The following PPP2R5C variants were observed in gnomAD, a reference collection of about 807,000 sequenced individuals.
PPP2R5C encodes the protein serine/threonine-protein phosphatase 2A 56 kDa regulatory subunit gamma isoform.
Under a neutral mutation model 68.9 loss-of-function variants are expected in PPP2R5C, and 7 were observed. That is an observed-to-expected ratio of 0.10 (90% confidence interval 0.06 to 0.19). The LOEUF is 0.19. Ranked by LOEUF, PPP2R5C falls within the 10% of genes least tolerant of loss-of-function variation. The probability of loss-of-function intolerance (pLI) is 1.00; values close to 1 mark genes in which losing one functional copy is unlikely to be tolerated. For synonymous variants in PPP2R5C, 210 were observed against 222.2 expected (o/e 0.95, Z 0.49); for missense variants, 348 against 641.3 (o/e 0.54, Z 4.94).
rs1270078620 is a variant in PPP2R5C at position 101,915,974 on chromosome 14, G to C, written c.1327-1857G>C. On this transcript the variant is annotated intron_variant, in intron 12 of 13. Transcript: ENST00000334743. This position sits in a 1 kb window ranked among gnomAD's most constrained non-coding sequence, Gnocchi z 4.2. ...GGAAGGTGCCCGCGGCAGAGGTAGA[G>C]AAAAGCAGGGACACAGTGGGTGACA... 6.6e-6 allele frequency among the ~76,000 whole-genome samples: 1 copy of C among 152,212 alleles called. No homozygotes were observed. Among genetic ancestry groups the C allele is most frequent in the Non-Finnish European group, 1.5e-5 (1 of 68,046 alleles).
At chr14:101,866,030 G>C (rs1041312887) in intron 2 of PPP2R5C, among the ~76,000 whole-genome samples, 26 of 152,288 alleles carry the variant, frequency 1.7e-4, no homozygotes, top group African/African-American at 6.0e-4. Flanking sequence ...AAGTAGCTGG[G>C]ATTACAGGCA....
chr14:101,914,810 A>G (rs950913600), intron 12 of PPP2R5C, among the ~76,000 whole-genome samples: 14 of 152,280 alleles, frequency 9.2e-5, no homozygotes, highest in African/African-American at 3.4e-4. Context: ...TCTAACATAA[A>G]TGTGTTTCTC....
intron 3 of PPP2R5C, among the ~76,000 whole-genome samples, chr14:101,795,314 A>G (rs970399145): frequency 6.6e-6 from 1 of 152,240 alleles, no homozygotes; most frequent in African/African-American, 2.4e-5. Flanking sequence ...ATGCCTGTCC[A>G]TCATACCTCT....
chr14:101,803,887 C>T (rs2140151966), intron 3 of PPP2R5C, among the ~76,000 whole-genome samples: 1 of 152,176 alleles, frequency 6.6e-6, no homozygotes. Flanking sequence ...TCACATCAGG[C>T]TAAAAAGCTT....
At chr14:101,889,412 A>G (rs904592651) in intron 5 of PPP2R5C, among the ~76,000 whole-genome samples, 6 of 152,124 alleles carry the variant, frequency 3.9e-5, no homozygotes, top group Non-Finnish European at 8.8e-5. Context: ...CCTGTTTCCT[A>G]ACATGTCCCT....
chr14:101,824,039 A>G, intron 1 of PPP2R5C: 1 of 1,289,174 alleles, frequency 7.8e-7, no homozygotes, highest in Non-Finnish European at 1.0e-6. Flanking sequence ...GTTCCGTGGC[A>G]CAGCCCCAGA....
chr14:101,773,381 T>C (rs887899550), intron 2 of PPP2R5C, among the ~76,000 whole-genome samples: 2 of 152,030 alleles, frequency 1.3e-5, no homozygotes, highest in African/African-American at 2.4e-5. Context: ...GGGAGGCTGC[T>C]TCAGGTGGTC....
intron 5 of PPP2R5C, among the ~76,000 whole-genome samples, chr14:101,884,925 A>C (rs2044399106): frequency 6.6e-6 from 1 of 152,224 alleles, no homozygotes; most frequent in African/African-American, 2.4e-5. Context: ...AATAGAGGAA[A>C]CAGTTCCTGT....
At chr14:101,761,832 G>T (rs999233979), upstream of PPP2R5C, 16 of 991,890 alleles carry the variant, frequency 1.6e-5, no homozygotes, top group Non-Finnish European at 1.8e-5. Flanking sequence ...GGGCGGGGGC[G>T]CTGCTGCTGC....
chr14:101,901,966 C>A, intron 9 of PPP2R5C, 77 bp downstream of exon 11: 1 of 1,463,328 alleles, frequency 6.8e-7, no homozygotes, highest in Non-Finnish European at 9.3e-7. Context: ...GCGTAGCTGG[C>A]CATGCTTTGC....
exon 2 of PPP2R5C, chr14:101,856,867 C>T (rs755470728): frequency 7.4e-6 from 12 of 1,613,798 alleles, no homozygotes; most frequent in Non-Finnish European, 1.0e-5. Context: ...AGCCTATTTA[C>T]CCAGAAGTAG....
chr14:101,917,701 C>G lies in PPP2R5C; in HGVS notation c.1327-130C>G. The G allele has an allele frequency of 7.8e-7, 1 of 1,288,312 alleles. No homozygotes were observed. The highest frequency in any genetic ancestry group is 1.4e-5 in the South Asian group (1 of 72,150). The allele number at this position is 1,288,312 out of a possible 1,614,324, so 79.8% of individuals were successfully genotyped here. On this transcript the variant is annotated intron_variant, in intron 12 of 13. Coordinates refer to ENST00000334743, the Ensembl canonical transcript of PPP2R5C. This position sits in a 1 kb window ranked among gnomAD's most constrained non-coding sequence, Gnocchi z 4.4. ...CATGTTGCAGGTGTAGGCGAGTCTCCCACTGAGTGGGCTTCCTGCGGGAGA... is the reference window on the plus strand; with the variant it reads ...CATGTTGCAGGTGTAGGCGAGTCTCGCACTGAGTGGGCTTCCTGCGGGAGA...
At chr14:101,826,969 C>CTTTTTTTTTTTTTTTTT (rs1030539072) in intron 1 of PPP2R5C, among the ~76,000 whole-genome samples, 1 of 95,860 alleles carries the variant, frequency 1.0e-5, no homozygotes, top group African/African-American at 4.3e-5. Context: ...AAATGTTTAA[C>CTTTTTTTTTTTTTTTTT]TTTTTTTTTT....
At chr14:101,763,252 C>T (rs2036651199) in intron 2 of PPP2R5C, among the ~76,000 whole-genome samples, 1 of 152,018 alleles carries the variant, frequency 6.6e-6, no homozygotes, top group Non-Finnish European at 1.5e-5. Context: ...CGGGGTCTCA[C>T]TTTGTCACGC....
At chr14:101,771,340 C>T (rs1163252496) in intron 2 of PPP2R5C, among the ~76,000 whole-genome samples, 5 of 151,308 alleles carry the variant, frequency 3.3e-5, no homozygotes, top group East Asian at 2.0e-4. Flanking sequence ...CCACAACCTC[C>T]GCCTCCTGGG....
chr14:101,764,754 C>T (rs1356321198), intron 2 of PPP2R5C, among the ~76,000 whole-genome samples: 3 of 149,154 alleles, frequency 2.0e-5, no homozygotes, highest in Admixed American at 6.7e-5. Context: ...AAATTCATTT[C>T]GATGAAGATG....
chr14:101,854,728 C>T (rs777376132), intron 1 of PPP2R5C, among the ~76,000 whole-genome samples: 1 of 152,106 alleles, frequency 6.6e-6, no homozygotes, highest in Non-Finnish European at 1.5e-5. Context: ...CTCTGCAGGA[C>T]GTGAAAGAGC....
intron 9 of PPP2R5C, among the ~76,000 whole-genome samples, chr14:101,904,980 C>T (rs756892201): frequency 1.3e-5 from 2 of 152,204 alleles, no homozygotes; most frequent in Non-Finnish European, 2.9e-5. Context: ...AGGGTATGAA[C>T]AGTGTTGAAT....
At chr14:101,854,519 G>A (rs571936388) in intron 1 of PPP2R5C, among the ~76,000 whole-genome samples, 31 of 152,274 alleles carry the variant, frequency 2.0e-4, no homozygotes, top group African/African-American at 7.5e-4. Context: ...TAGGCAGTAA[G>A]GAAAGGCCTT....
Sources: allele counts gnomAD v4.1 joint callset (sites outside exome capture counted in the v4.1 genomes callset), GRCh38; gene constraint gnomAD v4.1.1; non-coding constraint Gnocchi (gnomAD v3.1); transcripts MANE v1.5; gene names NCBI Gene and HGNC (gene_info 2026-07-23, HGNC 2026-07-21).